NPAS3: variants seen among roughly 807,000 people sequenced by gnomAD.
NPAS3 encodes neuronal PAS domain-containing protein 3.
Under a neutral mutation model 73.1 loss-of-function variants are expected in NPAS3, and 14 were observed. The ratio of observed to expected loss-of-function variants is 0.19; its 90% CI spans 0.13 to 0.30. The LOEUF (loss-of-function observed/expected upper bound fraction) is 0.30. Among genes scored for constraint, NPAS3 ranks in the 10% least tolerant of loss-of-function variants. The pLI is 1.00. For missense variants in NPAS3, 1,096 were observed against 1,250.0 expected, an observed-to-expected ratio of 0.88 and a Z score of 1.86; for synonymous variants, 620 against 541.5, an observed-to-expected ratio of 1.14 and a Z score of -2.01.
chr14:33,323,705 A>G (rs1316320347), intron 3 of NPAS3, among the ~76,000 whole-genome samples: 1 of 152,246 alleles, frequency 6.6e-6, no homozygotes, highest in Non-Finnish European at 1.5e-5. Flanking sequence ...GGGAACAACT[A>G]TAGGGAGAAA....
At chr14:33,447,736 A>T (rs557341055) in intron 4 of NPAS3, among the ~76,000 whole-genome samples, 2 of 152,248 alleles carry the variant, frequency 1.3e-5, no homozygotes, top group East Asian at 3.9e-4. Flanking sequence ...CAACACAGTG[A>T]GATCTTGTCT....
intron 5 of NPAS3, among the ~76,000 whole-genome samples, chr14:33,654,960 A>G (rs1214606736): frequency 6.6e-6 from 1 of 152,214 alleles, no homozygotes; most frequent in Non-Finnish European, 1.5e-5. Context: ...CTTTCTGAAT[A>G]CATATACCCT....
chr14:33,658,684 T>C (rs539116315), intron 5 of NPAS3, among the ~76,000 whole-genome samples: 1 of 152,262 alleles, frequency 6.6e-6, no homozygotes, highest in Non-Finnish European at 1.5e-5. Context: ...TGACTTGCAA[T>C]GTCAGGGGGA....
chr14:33,607,616 T>C (rs2057614578), intron 5 of NPAS3, among the ~76,000 whole-genome samples: 1 of 152,212 alleles, frequency 6.6e-6, no homozygotes, highest in Admixed American at 6.5e-5. Context: ...GGTGCATTAA[T>C]ATGTCAAAAC....
intron 5 of NPAS3, chr14:33,583,338 A>C (rs564852841): frequency 6.6e-6 from 1 of 152,314 alleles, no homozygotes; most frequent in South Asian, 2.1e-4. Flanking sequence ...ACAACAGAGA[A>C]CTGCAACCTC....
At position 33,432,207 on chromosome 14, in the gene NPAS3, G is replaced by A. The variant is rs1028867717; in HGVS notation, c.468+64939G>A. 7.9e-5 allele frequency among the ~76,000 whole-genome samples: 12 copies of A among 152,236 alleles called. No homozygotes were observed. The East Asian group carries it at 1.7e-3, about 22-fold the overall frequency. On this transcript the variant is annotated intron_variant, in intron 4 of 11. Transcript: ENST00000356141. ...AACTGTAGTTTCTAATAAAAGGAGC[G>A]AGTTTGTACAGTCATTGCTTAACAA... is the stretch of plus-strand genomic sequence containing the variant.
At chr14:33,040,573 C>A (rs1335983930) in intron 1 of NPAS3, among the ~76,000 whole-genome samples, 1 of 151,618 alleles carries the variant, frequency 6.6e-6, no homozygotes, top group African/African-American at 2.4e-5. Flanking sequence ...TAATACCCGC[C>A]CCCCACAGAT....
intron 5 of NPAS3, among the ~76,000 whole-genome samples, chr14:33,560,793 G>T (rs1254047481): frequency 6.6e-6 from 1 of 152,162 alleles, no homozygotes; most frequent in Non-Finnish European, 1.5e-5. Flanking sequence ...GAGGGGAAAA[G>T]AAAAGAAAAT....
At chr14:33,720,979 C>A (rs976927697) in intron 6 of NPAS3, among the ~76,000 whole-genome samples, 1 of 152,114 alleles carries the variant, frequency 6.6e-6, no homozygotes, top group Non-Finnish European at 1.5e-5. Flanking sequence ...ATTACATGTT[C>A]TGCATGTATC....
chr14:33,314,388 T>G (rs1338546855), intron 3 of NPAS3, among the ~76,000 whole-genome samples: 1 of 152,018 alleles, frequency 6.6e-6, no homozygotes, highest in Non-Finnish European at 1.5e-5. Flanking sequence ...TGACCTTGAG[T>G]GACTTAGCTA....
intron 2 of NPAS3, among the ~76,000 whole-genome samples, chr14:33,113,450 A>G (rs902302273): frequency 2.0e-5 from 3 of 152,162 alleles, no homozygotes; most frequent in African/African-American, 7.2e-5. Context: ...GGAGTCACTC[A>G]TGATTTGCCT....
intron 2 of NPAS3, among the ~76,000 whole-genome samples, chr14:33,102,254 C>A (rs1387265687): frequency 6.6e-6 from 1 of 152,056 alleles, no homozygotes; most frequent in Non-Finnish European, 1.5e-5. Flanking sequence ...GAACAGAGTA[C>A]ACAAGTAAGG....
chr14:33,612,453 T>A (rs1020435430), intron 5 of NPAS3: 33 of 455,952 alleles, frequency 7.2e-5, no homozygotes, highest in African/African-American at 6.2e-4. Context: ...TCCAAGCAGA[T>A]GTTCTGTGGC....
intron 5 of NPAS3, among the ~76,000 whole-genome samples, chr14:33,593,588 G>A (rs1402314695): frequency 6.6e-6 from 1 of 152,128 alleles, no homozygotes; most frequent in Non-Finnish European, 1.5e-5. Context: ...GGCAACAATA[G>A]GAGTCCTCAC....
intron 3 of NPAS3, among the ~76,000 whole-genome samples, chr14:33,329,016 A>T (rs898498397): frequency 7.9e-5 from 12 of 151,502 alleles, no homozygotes; most frequent in African/African-American, 2.9e-4. Context: ...TTTTTTCTCT[A>T]TTTTTTTTGG....
intron 5 of NPAS3, among the ~76,000 whole-genome samples, chr14:33,569,849 C>G (rs2056130174): frequency 6.6e-6 from 1 of 152,104 alleles, no homozygotes; most frequent in Non-Finnish European, 1.5e-5. Context: ...TCCTTATAAA[C>G]AGGGGAGACG....
chr14:33,214,153 T>G (rs546807735), intron 2 of NPAS3: 76 of 152,346 alleles, frequency 5.0e-4, no homozygotes, highest in African/African-American at 1.8e-3. Context: ...ACCTTGATAC[T>G]GAAAATATTA....
chr14:33,095,752 TC>T (rs2042395675), intron 2 of NPAS3, among the ~76,000 whole-genome samples: 1 of 143,196 alleles, frequency 7.0e-6, no homozygotes, highest in Admixed American at 7.5e-5. Flanking sequence ...CACTGCAAGC[TC>T]CGCCTCCCGG....
intron 2 of NPAS3, among the ~76,000 whole-genome samples, chr14:33,121,250 A>G (rs1358297628): frequency 2.0e-5 from 3 of 151,844 alleles, no homozygotes; most frequent in African/African-American, 4.8e-5. Context: ...ATATCCTTTT[A>G]TTTTTCACCT....
Sources: gnomAD v4.1 joint callset for allele counts (sites outside exome capture counted in the v4.1 genomes callset) on GRCh38, gnomAD v4.1.1 for gene constraint, MANE v1.5 for transcripts, NCBI Gene and HGNC (gene_info 2026-07-23, HGNC 2026-07-21) for gene names.